Variants in KLF5 observed in about 807,000 individuals in gnomAD.
The protein encoded by KLF5 is KLF transcription factor 5.
KLF5 carries 9 observed loss-of-function variants against 36.9 expected under a neutral mutation model. That is an observed-to-expected ratio of 0.24 (90% CI 0.15 to 0.43). The LOEUF (loss-of-function observed/expected upper bound fraction) is 0.43. Ranked by LOEUF, KLF5 falls within the 20% of genes least tolerant of loss-of-function variation. The probability of loss-of-function intolerance (pLI) is 1.00; values close to 1 mark genes in which losing one functional copy is unlikely to be tolerated. For synonymous variants in KLF5, 246 were observed against 241.7 expected, an observed-to-expected ratio of 1.02 and a Z score of -0.17; for missense variants, 524 against 599.5, an observed-to-expected ratio of 0.87 and a Z score of 1.31.
At chr13:73,071,596 A>G (rs1405768023) in intron 3 of KLF5, among the ~76,000 whole-genome samples, 1 of 152,168 alleles carries the variant, frequency 6.6e-6, no homozygotes, top group Non-Finnish European at 1.5e-5. Flanking sequence ...AATTTCTTTA[A>G]TAAGTGTTTC....
upstream of KLF5, among the ~76,000 whole-genome samples, chr13:73,056,862 C>T (rs1030845002): frequency 1.1e-4 from 17 of 151,394 alleles, no homozygotes; most frequent in South Asian, 4.2e-4. Flanking sequence ...ACGCTAGCTT[C>T]ATATCTATAT....
At chr13:73,075,655 A>G (rs1433370888) in intron 3 of KLF5, 53 bp from the exon 4 acceptor site, 8 of 1,438,916 alleles carry the variant, frequency 5.6e-6, no homozygotes, top group Non-Finnish European at 7.6e-6. Flanking sequence ...GGTGTTATCT[A>G]GGATGTTTGC....
upstream of KLF5, among the ~76,000 whole-genome samples, chr13:73,055,801 C>G (rs1002372984): frequency 2.6e-5 from 4 of 151,984 alleles, no homozygotes; most frequent in African/African-American, 9.7e-5. Context: ...TTCTGTGGCC[C>G]AAGATCACTT....
chr13:73,062,616 C>T lies in KLF5; in HGVS notation c.1017C>T (p.His339=). Residue 339 remains histidine (H), a synonymous_variant, in exon 2 of 4, where the codon CAC becomes CAT. Coordinates refer to ENST00000377687, the MANE Select transcript of KLF5 (RefSeq NM_001730.5). ...CAATTGCTTCTAAACTGGCAATTCACAATCCAAATTTACCCACCACCCTGC... is the reference window on the plus strand; with the variant it reads ...CAATTGCTTCTAAACTGGCAATTCATAATCCAAATTTACCCACCACCCTGC... The part of the protein sequence containing the change: ...AATIASKLAI[H]NPNLPTTLPV... The T allele has an allele frequency of 1.2e-6, 2 of 1,614,240 alleles. No homozygotes were observed. The highest frequency in any genetic ancestry group is 1.7e-6 in the Non-Finnish European group (2 of 1,180,042).
intron 3 of KLF5, among the ~76,000 whole-genome samples, chr13:73,067,475 A>G (rs557438538): frequency 1.1e-4 from 16 of 152,352 alleles, no homozygotes; most frequent in African/African-American, 3.4e-4. Flanking sequence ...CTCAACACAG[A>G]TGTTTGAAGT....
upstream of KLF5, chr13:73,058,969 A>C: frequency 5.7e-6 from 1 of 173,914 alleles, no homozygotes; most frequent in Non-Finnish European, 1.2e-5. Flanking sequence ...GCCCCCCCGG[A>C]GTTGGGTGAA....
intron 3 of KLF5, among the ~76,000 whole-genome samples, chr13:73,072,996 G>A (rs1314405251): frequency 6.6e-6 from 1 of 152,192 alleles, no homozygotes; most frequent in Non-Finnish European, 1.5e-5. Context: ...TTAACAGCAT[G>A]AGAACTTAAA....
At chr13:73,063,548 C>T (rs2044656320) in intron 2 of KLF5, among the ~76,000 whole-genome samples, 1 of 152,174 alleles carries the variant, frequency 6.6e-6, no homozygotes, top group Admixed American at 6.5e-5. Context: ...TACGGAAGTA[C>T]AGCACCTACT....
At position 73,076,949 on chromosome 13, in the gene KLF5, G is replaced by A. The variant is rs2044766901; in HGVS notation, c.*1063G>A. The A allele has an allele frequency of 6.6e-6, 1 of 152,394 alleles. No individual in the cohort carries two copies. 9.4% of individuals were successfully genotyped at this position (152,394 alleles called of 1,614,324 possible). On this transcript the variant is annotated 3_prime_UTR_variant, in exon 4 of 4. Transcript: ENST00000377687. The stretch of plus-strand genomic sequence containing the variant: ...TGCATGTAATACACAGTGAGACACA[G>A]TAATTTTATCTAAATTACAGTGCAG...
At position 73,075,966 on chromosome 13, in the gene KLF5, AAAAC is replaced by A. The variant is rs2044757792; in HGVS notation, c.*88_*91del. 8.9e-7 allele frequency: 1 copy of A among 1,122,360 alleles called. No individual in the cohort carries two copies. Among genetic ancestry groups the A allele is most frequent in the Non-Finnish European group, 1.2e-6 (1 of 855,700 alleles). 69.5% of individuals were successfully genotyped at this position (1,122,360 alleles called of 1,614,324 possible). On this transcript the variant is annotated 3_prime_UTR_variant, in exon 4 of 4. Transcript: ENST00000377687. The stretch of plus-strand genomic sequence containing the variant: ...TAACTATTCCTGTGTAAAAACAACA[AAAAC>A]AAACAAAAGCAAGAAAACCACAACT...
In KLF5 at chr13:73,062,582, A is replaced by G. The variant is rs140082845; in HGVS notation, c.983A>G (p.Tyr328Cys). Residue 328 changes from tyrosine to cysteine, a missense_variant, in exon 2 of 4, where the codon TAT (tyrosine) becomes TGT (cysteine). By Grantham distance (194) the Tyr-to-Cys change is radical. This residue lies in a region of KLF5 where 454 missense variants were observed against 458.1 expected (regional missense o/e 0.99). Transcript: ENST00000377687. ...MLQNLTPPPS[Y>C]AATIASKLAI... Reference sequence around the variant, plus strand: ...CAGAATTTAACCCCACCTCCATCCTATGCTGCTACAATTGCTTCTAAACTG... The same window carrying G: ...CAGAATTTAACCCCACCTCCATCCTGTGCTGCTACAATTGCTTCTAAACTG... 2.5e-6 allele frequency: 4 copies of G among 1,614,218 alleles called. No individual in the cohort carries two copies. The highest frequency in any genetic ancestry group is 3.4e-6 in the Non-Finnish European group (4 of 1,180,030).
intron 3 of KLF5, among the ~76,000 whole-genome samples, chr13:73,065,569 TAA>T (rs901793584): frequency 6.6e-6 from 1 of 152,180 alleles, no homozygotes; most frequent in Admixed American, 6.5e-5. Context: ...TTTTTATAGT[TAA>T]ACACAAATGA....
At chr13:73,056,679 T>C (rs1006359931), upstream of KLF5, among the ~76,000 whole-genome samples, 3 of 152,232 alleles carry the variant, frequency 2.0e-5, no homozygotes, top group Non-Finnish European at 4.4e-5. Flanking sequence ...CGTACTATTG[T>C]ACAGTGCTAA....
intron 3 of KLF5, among the ~76,000 whole-genome samples, chr13:73,074,105 C>G (rs1204384322): frequency 6.6e-6 from 1 of 151,924 alleles, no homozygotes; most frequent in Non-Finnish European, 1.5e-5. Context: ...GGTGAACTCT[C>G]AAGGGAAAAA....
chr13:73,069,923 A>C (rs1205612135), intron 3 of KLF5, among the ~76,000 whole-genome samples: 1 of 152,216 alleles, frequency 6.6e-6, no homozygotes, highest in Non-Finnish European at 1.5e-5. Flanking sequence ...TGTTTTTAAA[A>C]AATAATAATA....
chr13:73,059,015 C>G lies in KLF5; in HGVS notation c.-313C>G, dbSNP rs1429819867. The G allele has an allele frequency of 4.0e-6, 1 of 249,542 alleles. No individual in the cohort carries two copies. The highest frequency in any genetic ancestry group is 2.2e-5 in the African/African-American group (1 of 44,714). 15.5% of individuals were successfully genotyped at this position (249,542 alleles called of 1,614,324 possible). A position where few individuals can be genotyped will look rare whatever the true frequency, so the allele number is the denominator to read the frequency against. ...GCGTCAAGTGTCAGTAGTCGCGGGG[C>G]AGGTACGTGCGCTCGCGGTTCTCTC... On this transcript the variant is annotated 5_prime_UTR_variant, in exon 1 of 4. Coordinates refer to ENST00000377687, the MANE Select transcript of KLF5 (RefSeq NM_001730.5).
chr13:73,074,492 TAAA>T (rs368175451), intron 3 of KLF5, among the ~76,000 whole-genome samples: 16 of 152,202 alleles, frequency 1.1e-4, no homozygotes, highest in Non-Finnish European at 2.4e-4. Flanking sequence ...CGAATTCTTA[TAAA>T]AAATTCATAG....
rs1566568021 is a variant in KLF5 at position 73,076,794 on chromosome 13, T to C, written c.*908T>C. The stretch of plus-strand genomic sequence containing the variant: ...AAAAGAAGGACTTAGGGTGTCGTTT[T>C]CACATATGACAATGTTGCATTTATG... On this transcript the variant is annotated 3_prime_UTR_variant, in exon 4 of 4. Coordinates refer to ENST00000377687, the MANE Select transcript of KLF5 (RefSeq NM_001730.5). 6.6e-6 allele frequency: 1 copy of C among 152,250 alleles called. No individual in the cohort carries two copies. The highest frequency in any genetic ancestry group is 6.5e-5 in the Admixed American group (1 of 15,286). The allele number at this position is 152,250 out of a possible 1,614,324, so 9.4% of individuals were successfully genotyped here.
chr13:73,073,969 A>G (rs1315770182), intron 3 of KLF5, among the ~76,000 whole-genome samples: 1 of 152,160 alleles, frequency 6.6e-6, no homozygotes, highest in East Asian at 1.9e-4. Context: ...TCTAGAATTG[A>G]GATGTTCATT....
Sources: allele counts gnomAD v4.1 joint callset (sites outside exome capture counted in the v4.1 genomes callset), GRCh38; gene constraint gnomAD v4.1.1; regional missense constraint gnomAD v4.1.1; transcripts MANE v1.5; gene names NCBI Gene and HGNC (gene_info 2026-07-23, HGNC 2026-07-21).